TCTN1: variants seen among roughly 807,000 people sequenced by gnomAD.
TCTN1 encodes the protein tectonic-1.
TCTN1 carries 58 observed loss-of-function variants against 65.8 expected under a neutral mutation model. The ratio of observed to expected loss-of-function variants is 0.88; its 90% CI spans 0.71 to 1.10. The LOEUF (loss-of-function observed/expected upper bound fraction) is 1.10, where lower values mean the gene tolerates loss of function less well. Among genes scored for constraint, TCTN1 ranks in the 50% least tolerant of loss-of-function variants. The pLI is 0.00. For missense variants in TCTN1, 645 were observed against 719.4 expected, an observed-to-expected ratio of 0.90 and a Z score of 1.18; for synonymous variants, 273 against 289.1, an observed-to-expected ratio of 0.94 and a Z score of 0.57.
chr12:110,642,691 C>T (rs1196803664), intron 11 of TCTN1, among the ~76,000 whole-genome samples: 1 of 152,046 alleles, frequency 6.6e-6, no homozygotes, highest in East Asian at 1.9e-4. Flanking sequence ...GCCCTGACCT[C>T]CTGGGCTCAA....
chr12:110,640,208 A>G lies in TCTN1; in HGVS notation c.844-175A>G, dbSNP rs1160745692. ...ATCCTCTCAAGTATTTTCTTTGTGA[A>G]TGTATATATGTTTATTACTTTTGCA... On this transcript the variant is annotated intron_variant, in intron 7 of 14. Coordinates refer to ENST00000397659, the MANE Select transcript of TCTN1 (RefSeq NM_001082538.3). The surrounding 1 kb of genome is among the most constrained non-coding windows in gnomAD (Gnocchi z 4.9). Among the ~76,000 whole-genome samples the G allele has an allele frequency of 6.6e-6, 1 of 152,198 alleles. No homozygotes were observed. Among genetic ancestry groups the G allele is most frequent in the Non-Finnish European group, 1.5e-5 (1 of 68,040 alleles).
Position 110,614,225 on chromosome 12 carries a change from G to A in TCTN1, c.43G>A (p.Gly15Ser). ...CCCGCCGCTCCTGGTGGTGCTCCTG[G>A]GCTGCTGGGCCTCCGTGAGCGCCCA... ...GLPPLLVVLL[G>S]CWASVSAQTD... The change falls in exon 1 of 15, where the codon GGC (glycine) becomes AGC (serine). Residue 15 changes from glycine (G) to serine (S), a missense_variant. Coordinates refer to ENST00000397659, the MANE Select transcript of TCTN1 (RefSeq NM_001082538.3). 1 of 1,587,158 alleles carries A rather than the reference G, an allele frequency of 6.3e-7. No homozygotes were observed. Among genetic ancestry groups the A allele is most frequent in the Non-Finnish European group, 8.6e-7 (1 of 1,167,696 alleles).
At chr12:110,626,085 CTTTCTTTCTTTT>C (rs1402313623) in intron 2 of TCTN1, among the ~76,000 whole-genome samples, 2 of 150,474 alleles carry the variant, frequency 1.3e-5, no homozygotes, top group Non-Finnish European at 3.0e-5. Context: ...TTTTTTCTTT[CTTTCTTTCTTTT>C]TTTTTTTGTG....
At chr12:110,621,239 AC>A (rs2065409626) in intron 2 of TCTN1, among the ~76,000 whole-genome samples, 1 of 152,150 alleles carries the variant, frequency 6.6e-6, no homozygotes. Flanking sequence ...TGATAGGTGA[AC>A]CCTTTTAAGA....
At chr12:110,628,231 G>C in intron 3 of TCTN1, 1 of 1,535,592 alleles carries the variant, frequency 6.5e-7, no homozygotes, top group Non-Finnish European at 8.7e-7. Flanking sequence ...ACTTGTAAGT[G>C]CTACAAACTA....
intron 12 of TCTN1, 70 bp downstream of exon 12, chr12:110,645,199 G>C: frequency 6.3e-7 from 1 of 1,589,700 alleles, no homozygotes; most frequent in South Asian, 1.1e-5. Flanking sequence ...GAAGGCAGCC[G>C]GGGAAGCCAG....
Position 110,642,330 on chromosome 12 carries a change from G to A in TCTN1, c.1272G>A (p.Leu424=), listed in dbSNP as rs2067010904. ...CAACTGAGCAAGACTGCTTAGCACT[G>A]GAGGGGGTCCGGACCCCAGTATTAT... The part of the protein sequence containing the change: ...HSTTEQDCLA[L]EGVRTPVLFG... Residue 424 remains leucine, a synonymous_variant, in exon 11 of 15, where the codon CTG becomes CTA. Coordinates refer to ENST00000397659, the MANE Select transcript of TCTN1 (RefSeq NM_001082538.3). 5 of 1,614,042 alleles carry A rather than the reference G, an allele frequency of 3.1e-6. No individual in the cohort carries two copies. The South Asian group carries it at 4.4e-5, about 14-fold the overall frequency.
At chr12:110,620,108 A>T in intron 2 of TCTN1, 152 bp downstream of exon 2, 1 of 1,224,952 alleles carries the variant, frequency 8.2e-7, no homozygotes, top group South Asian at 1.2e-5. Context: ...ACAAATATGT[A>T]AAAAAGTAGC....
At chr12:110,630,143 CA>C (rs1293961041) in intron 4 of TCTN1, 1 of 152,142 alleles carries the variant, frequency 6.6e-6, no homozygotes, top group Non-Finnish European at 1.5e-5. Context: ...TTGATGAGTG[CA>C]GTAAACCACC....
intron 10 of TCTN1, chr12:110,641,948 A>ACCAGTCATTC: frequency 1.8e-6 from 1 of 554,912 alleles, no homozygotes; most frequent in Non-Finnish European, 3.2e-6. Flanking sequence ...TTAAGAGAGA[A>ACCAGTCATTC]AAGTTGACAT....
At position 110,640,216 on chromosome 12, in the gene TCTN1, A is replaced by T. The variant is rs890404674; in HGVS notation, c.844-167A>T. On this transcript the variant is annotated intron_variant, in intron 7 of 14. Coordinates refer to ENST00000397659, the MANE Select transcript of TCTN1 (RefSeq NM_001082538.3). The surrounding 1 kb of genome is among the most constrained non-coding windows in gnomAD (Gnocchi z 4.9). ...AAGTATTTTCTTTGTGAATGTATATATGTTTATTACTTTTGCAAATGTGGA... is the reference window on the plus strand; with the variant it reads ...AAGTATTTTCTTTGTGAATGTATATTTGTTTATTACTTTTGCAAATGTGGA... Among the ~76,000 whole-genome samples the T allele has an allele frequency of 6.6e-6, 1 of 152,148 alleles. No homozygotes were observed. Among genetic ancestry groups the T allele is most frequent in the Non-Finnish European group, 1.5e-5 (1 of 68,028 alleles).
In TCTN1 at chr12:110,628,675, C is replaced by G; in HGVS notation, c.473-92C>G. 4.5e-6 allele frequency: 5 copies of G among 1,106,604 alleles called. No homozygotes were observed. The East Asian group carries it at 1.3e-4, about 29-fold the overall frequency. The allele number at this position is 1,106,604 out of a possible 1,614,324, so 68.5% of individuals were successfully genotyped here. On this transcript the variant is annotated intron_variant, in intron 3 of 14. Coordinates refer to ENST00000397659, the MANE Select transcript of TCTN1 (RefSeq NM_001082538.3). Reference sequence around the variant, plus strand: ...TTTGTTTTTTACATCAGCCTTGATGCTATTAAAAACTTTCCAAAACCTTTA... The same window carrying G: ...TTTGTTTTTTACATCAGCCTTGATGGTATTAAAAACTTTCCAAAACCTTTA...
At chr12:110,641,301 C>G in intron 9 of TCTN1, 152 bp downstream of exon 9, 1 of 1,174,550 alleles carries the variant, frequency 8.5e-7, no homozygotes, top group Admixed American at 2.2e-5. Flanking sequence ...GTAATGAAAC[C>G]AAGCATTCTC....
intron 5 of TCTN1, among the ~76,000 whole-genome samples, chr12:110,633,538 G>T (rs2066364073): frequency 6.6e-6 from 1 of 152,078 alleles, no homozygotes; most frequent in African/African-American, 2.4e-5. Context: ...TCAGGAGGCT[G>T]AGGTAGGAGG....
At chr12:110,624,216 C>T (rs1348842152) in intron 2 of TCTN1, among the ~76,000 whole-genome samples, 2 of 151,496 alleles carry the variant, frequency 1.3e-5, no homozygotes, top group Non-Finnish European at 2.9e-5. Flanking sequence ...GCCACTGTGC[C>T]CAGCCTCTAT....
rs2065302255 is a variant in TCTN1, at chr12:110,619,999, C to T, written c.341+43C>T. ...ACATGCAATTTTGAAAAAATTTGAC[C>T]AGGATAATACAATTTGGAGAAAGGG... On this transcript the variant is annotated intron_variant, in intron 2 of 14. Coordinates refer to ENST00000397659, the MANE Select transcript of TCTN1 (RefSeq NM_001082538.3). The T allele has an allele frequency of 2.5e-6, 4 of 1,613,744 alleles. No individual in the cohort carries two copies. In the African/African-American group the frequency reaches 5.3e-5, roughly 22 times the overall value.
chr12:110,627,745 G>A, intron 3 of TCTN1: 1 of 457,202 alleles, frequency 2.2e-6, no homozygotes, highest in Non-Finnish European at 3.8e-6. Context: ...CATGAAAACA[G>A]GATCTTTATT....
intron 1 of TCTN1, among the ~76,000 whole-genome samples, chr12:110,619,344 G>C (rs1342196720): frequency 6.6e-6 from 1 of 152,140 alleles, no homozygotes; most frequent in African/African-American, 2.4e-5. Flanking sequence ...AAAGCAGCAG[G>C]TTATACGTGA....
intron 2 of TCTN1, among the ~76,000 whole-genome samples, chr12:110,621,987 A>T (rs190737175): frequency 6.6e-6 from 1 of 151,890 alleles, no homozygotes; most frequent in Non-Finnish European, 1.5e-5. Flanking sequence ...AAAATACAAA[A>T]ATCAGCTGGG....
Sources: allele counts gnomAD v4.1 joint callset (sites outside exome capture counted in the v4.1 genomes callset), GRCh38; gene constraint gnomAD v4.1.1; non-coding constraint Gnocchi (gnomAD v3.1); transcripts MANE v1.5; gene names NCBI Gene and HGNC (gene_info 2026-07-23, HGNC 2026-07-21).